Variants in UTRN observed in about 807,000 individuals in gnomAD.
The protein encoded by UTRN is dystrophin-related protein 1.
UTRN carries 283 observed loss-of-function variants against 463.9 expected under a neutral mutation model. That is an observed-to-expected ratio of 0.61 (90% CI 0.55 to 0.67). UTRN has a LOEUF of 0.67. Among genes scored for constraint, UTRN ranks in the 30% least tolerant of loss-of-function variants. The pLI, the probability that UTRN is intolerant of heterozygous loss-of-function variation, is 0.00. For synonymous variants in UTRN, 1,442 were observed against 1,431.5 expected, an observed-to-expected ratio of 1.01 and a Z score of -0.17; for missense variants, 3,922 against 4,084.3, an observed-to-expected ratio of 0.96 and a Z score of 1.08.
At chr6:144,450,942 G>A (rs1173145407) in intron 17 of UTRN, among the ~76,000 whole-genome samples, 1 of 152,076 alleles carries the variant, frequency 6.6e-6, no homozygotes, top group Non-Finnish European at 1.5e-5. Context: ...GTGAAACTCT[G>A]TCTCTACTAA....
At chr6:144,794,111 CA>C in intron 63 of UTRN, 120 bp downstream of exon 63, 1 of 1,346,048 alleles carries the variant, frequency 7.4e-7, no homozygotes, top group Non-Finnish European at 1.0e-6. Flanking sequence ...GGGTACCATC[CA>C]ACAAGTGGTG....
chr6:144,572,635 A>G (rs1332723857), intron 50 of UTRN, among the ~76,000 whole-genome samples: 1 of 152,038 alleles, frequency 6.6e-6, no homozygotes, highest in Admixed American at 6.6e-5. Flanking sequence ...CTTATAAGTG[A>G]GAACATGCAG....
chr6:144,554,462 G>C (rs114620886), intron 48 of UTRN, among the ~76,000 whole-genome samples: 2,784 of 152,216 alleles, frequency 0.018, 58 homozygotes, highest in African/African-American at 0.052. Context: ...TTGTTTTAGA[G>C]CACTGAAAAT....
At chr6:144,438,993 G>A in intron 12 of UTRN, 98 bp downstream of exon 12, 6 of 1,306,196 alleles carry the variant, frequency 4.6e-6, no homozygotes, top group Non-Finnish European at 5.3e-6. Context: ...ACATGAAGTT[G>A]GGACACTTCT....
At chr6:144,729,326 G>A (rs1788272159) in intron 53 of UTRN, among the ~76,000 whole-genome samples, 1 of 152,008 alleles carries the variant, frequency 6.6e-6, no homozygotes, top group Non-Finnish European at 1.5e-5. Context: ...ATTGACTATG[G>A]AAGAAAAGGA....
chr6:144,799,577 G>T lies in UTRN; in HGVS notation c.9245+1587G>T, dbSNP rs564088125. ...GAGGGAATAGCTGGAATGTGGCAAG[G>T]TCAGTCTACTACTGGGAAGATAATT... is the stretch of plus-strand genomic sequence containing the variant. On this transcript the variant is annotated intron_variant, in intron 64 of 74. Transcript: ENST00000367545. The T allele has an allele frequency of 1.5e-4, 67 of 457,494 alleles. No homozygotes were observed. The East Asian group carries it at 4.5e-3, about 31-fold the overall frequency. The allele number at this position is 457,494 out of a possible 1,614,324, so 28.3% of individuals were successfully genotyped here.
intron 63 of UTRN, among the ~76,000 whole-genome samples, chr6:144,795,661 A>G (rs549099487): frequency 1.5e-3 from 227 of 152,188 alleles, no homozygotes; most frequent in African/African-American, 5.1e-3. Context: ...TGGCTGCATA[A>G]ATGTCTTCTT....
intron 43 of UTRN, 101 bp downstream of exon 43, chr6:144,533,361 A>G (rs534771508): frequency 1.3e-6 from 2 of 1,494,868 alleles, no homozygotes; most frequent in South Asian, 1.4e-5. Flanking sequence ...TTGACATTAT[A>G]ATAGGAATTT....
chr6:144,410,709 A>G (rs1349424857), intron 3 of UTRN, among the ~76,000 whole-genome samples: 1 of 152,142 alleles, frequency 6.6e-6, no homozygotes, highest in Admixed American at 6.5e-5. Context: ...TTCACTTAGA[A>G]TAATGGTCTC....
chr6:144,444,458 A>C, intron 14 of UTRN, 76 bp downstream of exon 14: 1 of 1,131,142 alleles, frequency 8.8e-7, no homozygotes, highest in South Asian at 1.7e-5. Context: ...TTTAGAATAA[A>C]GTTGCCTTGT....
At chr6:144,538,441 G>A (rs1036732687) in intron 44 of UTRN, among the ~76,000 whole-genome samples, 6 of 151,832 alleles carry the variant, frequency 4.0e-5, no homozygotes, top group East Asian at 1.9e-4. Flanking sequence ...AGGCCGAGGC[G>A]GGTGGATCAC....
intron 51 of UTRN, among the ~76,000 whole-genome samples, chr6:144,623,440 T>A (rs913690759): frequency 2.0e-5 from 3 of 152,224 alleles, no homozygotes; most frequent in Non-Finnish European, 4.4e-5. Context: ...TGTAAATGAC[T>A]TTAAATGATT....
rs1483467226 is a variant in UTRN, at chr6:144,539,410, A to G, written c.6486A>G (p.Glu2162=). ...LSLPERDKIS[E]SLRTVNMTWN... Reference sequence around the variant, plus strand: ...TACCTGAAAGGGATAAAATTTCAGAAAGCTTAAGGACTGTAAATATGACAT... The same window carrying G: ...TACCTGAAAGGGATAAAATTTCAGAGAGCTTAAGGACTGTAAATATGACAT... Residue 2162 remains glutamate, a synonymous_variant, in exon 45 of 75, where the codon GAA becomes GAG. Coordinates refer to ENST00000367545, the MANE Select transcript of UTRN (RefSeq NM_007124.3). The G allele has an allele frequency of 9.9e-6, 16 of 1,613,052 alleles. No individual in the cohort carries two copies. Among genetic ancestry groups the G allele is most frequent in the African/African-American group, 1.3e-5 (1 of 75,006 alleles).
chr6:144,616,890 C>A (rs1019119628), intron 51 of UTRN, among the ~76,000 whole-genome samples: 3 of 152,176 alleles, frequency 2.0e-5, no homozygotes, highest in Non-Finnish European at 4.4e-5. Context: ...TAGCGTTCTA[C>A]CACCTGGTGT....
At chr6:144,781,705 C>T (rs1775845811) in intron 60 of UTRN, among the ~76,000 whole-genome samples, 1 of 152,100 alleles carries the variant, frequency 6.6e-6, no homozygotes, top group Non-Finnish European at 1.5e-5. Flanking sequence ...GATTGGGAAG[C>T]AACAGAGTTC....
intron 3 of UTRN, among the ~76,000 whole-genome samples, chr6:144,419,930 T>A (rs924772024): frequency 1.8e-4 from 28 of 151,566 alleles, no homozygotes; most frequent in African/African-American, 6.3e-4. Flanking sequence ...TCTTTGTAAT[T>A]CAGGTCTCTT....
At chr6:144,693,562 T>A (rs537020446) in intron 52 of UTRN, among the ~76,000 whole-genome samples, 37 of 152,200 alleles carry the variant, frequency 2.4e-4, no homozygotes, top group Non-Finnish European at 4.4e-4. Context: ...TGTCTCTGAT[T>A]TTTTTGGGCA....
intron 2 of UTRN, among the ~76,000 whole-genome samples, chr6:144,382,639 A>C (rs1390226314): frequency 2.6e-5 from 4 of 152,228 alleles, no homozygotes; most frequent in Admixed American, 6.5e-5. Context: ...ATATAGGAGA[A>C]AAATAAATTG....
At chr6:144,477,222 T>C (rs1436641761) in intron 25 of UTRN, among the ~76,000 whole-genome samples, 1 of 152,140 alleles carries the variant, frequency 6.6e-6, no homozygotes, top group Non-Finnish European at 1.5e-5. Context: ...TGAGGCTATA[T>C]ATAGCTGAAG....
Sources: allele counts gnomAD v4.1 joint callset (sites outside exome capture counted in the v4.1 genomes callset), GRCh38; gene constraint gnomAD v4.1.1; transcripts MANE v1.5; gene names NCBI Gene and HGNC (gene_info 2026-07-23, HGNC 2026-07-21).